The following ZNF609 variants were observed in gnomAD, a reference collection of about 807,000 sequenced individuals.
ZNF609 encodes zinc finger protein 609.
ZNF609 carries 11 observed loss-of-function variants against 109.5 expected under a neutral mutation model. The observed-to-expected ratio is 0.10, with a 90% CI of 0.06 to 0.17. The LOEUF is 0.17. Ranked by LOEUF, ZNF609 falls within the 10% of genes least tolerant of loss-of-function variation. ZNF609 has a pLI of 1.00. For synonymous variants in ZNF609, 646 were observed against 662.0 expected (o/e 0.98, Z 0.37); for missense variants, 1,559 against 1,772.4 (o/e 0.88, Z 2.16).
At chr15:64,649,690 C>G (rs1397678081) in intron 3 of ZNF609, among the ~76,000 whole-genome samples, 2 of 152,050 alleles carry the variant, frequency 1.3e-5, no homozygotes, top group African/African-American at 4.8e-5. Context: ...GATGTTATCT[C>G]TTCTAATAAA....
At chr15:64,475,183 C>G (rs1412895588) in intron 1 of ZNF609, among the ~76,000 whole-genome samples, 1 of 118,368 alleles carries the variant, frequency 8.4e-6, no homozygotes, top group South Asian at 2.7e-4. Flanking sequence ...TTTTTTTTCT[C>G]TTCTGTTCTG....
chr15:64,589,913 A>T (rs1473581067), intron 2 of ZNF609, among the ~76,000 whole-genome samples: 1 of 152,226 alleles, frequency 6.6e-6, no homozygotes, highest in Non-Finnish European at 1.5e-5. Context: ...TTCACAGATA[A>T]GCGATAGTGA....
chr15:64,598,300 G>A (rs1895431879), intron 2 of ZNF609, among the ~76,000 whole-genome samples: 1 of 151,994 alleles, frequency 6.6e-6, no homozygotes, highest in South Asian at 2.1e-4. Context: ...ATTTTTGATA[G>A]AGACAGGTTT....
At chr15:64,623,540 A>G (rs1185880660) in intron 3 of ZNF609, among the ~76,000 whole-genome samples, 1 of 152,142 alleles carries the variant, frequency 6.6e-6, no homozygotes, top group Non-Finnish European at 1.5e-5. Flanking sequence ...TGATTGCCTC[A>G]TTGCCCAGCC....
intron 3 of ZNF609, among the ~76,000 whole-genome samples, chr15:64,626,302 TG>T (rs1003037739): frequency 2.0e-5 from 3 of 152,192 alleles, no homozygotes; most frequent in African/African-American, 7.2e-5. Flanking sequence ...GGATCAGAGT[TG>T]GTTCACATTC....
At chr15:64,543,195 C>T (rs1894296987) in intron 2 of ZNF609, among the ~76,000 whole-genome samples, 1 of 150,696 alleles carries the variant, frequency 6.6e-6, no homozygotes, top group South Asian at 2.1e-4. Context: ...AAATTCCAGT[C>T]TCTTAATTTT....
chr15:64,532,552 C>T (rs1215059164), intron 2 of ZNF609, among the ~76,000 whole-genome samples: 2 of 152,016 alleles, frequency 1.3e-5, no homozygotes, highest in African/African-American at 4.8e-5. Flanking sequence ...GTTTTGTTCT[C>T]TGTCTTTTTT....
intron 1 of ZNF609, among the ~76,000 whole-genome samples, chr15:64,489,142 A>G (rs996032647): frequency 6.6e-6 from 1 of 151,588 alleles, no homozygotes; most frequent in African/African-American, 2.4e-5. Context: ...ATGATTTTAC[A>G]CAACAGTTCT....
At chr15:64,653,518 C>T (rs1247715487) in intron 3 of ZNF609, among the ~76,000 whole-genome samples, 2 of 152,136 alleles carry the variant, frequency 1.3e-5, no homozygotes, top group Non-Finnish European at 2.9e-5. Context: ...TGGCGGCGTG[C>T]GCCTGTAGTC....
At chr15:64,573,335 G>T (rs1199373698) in intron 2 of ZNF609, among the ~76,000 whole-genome samples, 4 of 134,008 alleles carry the variant, frequency 3.0e-5, no homozygotes, top group Non-Finnish European at 6.4e-5. Context: ...TAGAGTTAGT[G>T]GCCCAACTTT....
intron 5 of ZNF609, among the ~76,000 whole-genome samples, chr15:64,677,403 G>T (rs1021301543): frequency 6.6e-6 from 1 of 152,142 alleles, no homozygotes; most frequent in Non-Finnish European, 1.5e-5. Flanking sequence ...TGACAGGAAA[G>T]GCCCAGACAA....
intron 3 of ZNF609, chr15:64,631,184 TCTGGGTAGAGG>T: frequency 1.6e-6 from 1 of 616,268 alleles, no homozygotes; most frequent in Non-Finnish European, 3.1e-6. Flanking sequence ...AGTGTGCTTC[TCTGGGTAGAGG>T]CTGCTGCTTC....
At chr15:64,623,378 C>T (rs1895907691) in intron 3 of ZNF609, among the ~76,000 whole-genome samples, 1 of 152,122 alleles carries the variant, frequency 6.6e-6, no homozygotes, top group South Asian at 2.1e-4. Context: ...AATTTGAGGT[C>T]AGGCCTGAAG....
chr15:64,479,283 G>GGTTTTTTTTTTT (rs1389448753), intron 1 of ZNF609, among the ~76,000 whole-genome samples: 1 of 64,358 alleles, frequency 1.6e-5, no homozygotes, highest in Non-Finnish European at 3.1e-5. Flanking sequence ...GTACCTGTGT[G>GGTTTTTTTTTTT]ATTTTTTTTT....
At chr15:64,513,661 T>TC (rs1386766021) in intron 2 of ZNF609, among the ~76,000 whole-genome samples, 1 of 152,146 alleles carries the variant, frequency 6.6e-6, no homozygotes, top group Non-Finnish European at 1.5e-5. Flanking sequence ...TCAGCTGAGG[T>TC]CCCCACATAA....
At chr15:64,518,028 C>T (rs369802835) in intron 2 of ZNF609, among the ~76,000 whole-genome samples, 3 of 152,130 alleles carry the variant, frequency 2.0e-5, no homozygotes, top group African/African-American at 4.8e-5. Flanking sequence ...GTGATCCACC[C>T]GCCATGGCCT....
chr15:64,662,556 C>T (rs760990741), intron 3 of ZNF609, among the ~76,000 whole-genome samples: 2 of 152,230 alleles, frequency 1.3e-5, no homozygotes, highest in Non-Finnish European at 2.9e-5. Context: ...AATTCCTATG[C>T]TCAAGCAATC....
chr15:64,587,742 A>G (rs1405232707), intron 2 of ZNF609, among the ~76,000 whole-genome samples: 2 of 152,150 alleles, frequency 1.3e-5, no homozygotes, highest in Admixed American at 1.3e-4. Flanking sequence ...GGGAAACACT[A>G]TAAAAATAGC....
intron 2 of ZNF609, among the ~76,000 whole-genome samples, chr15:64,619,012 T>A (rs1254323126): frequency 2.6e-5 from 4 of 152,122 alleles, no homozygotes; most frequent in Non-Finnish European, 4.4e-5. Context: ...CATGCCCTCC[T>A]CTACCCAGCA....
Sources: allele counts gnomAD v4.1 joint callset (sites outside exome capture counted in the v4.1 genomes callset), GRCh38; gene constraint gnomAD v4.1.1; transcripts MANE v1.5; gene names NCBI Gene and HGNC (gene_info 2026-07-23, HGNC 2026-07-21).